Variants in CNTNAP2 observed in about 807,000 individuals in gnomAD.
CNTNAP2 encodes contactin associated protein 2.
CNTNAP2 carries 98 observed loss-of-function variants against 155.2 expected under a neutral mutation model. That is an observed-to-expected ratio of 0.63 (90% CI 0.54 to 0.75). The LOEUF (loss-of-function observed/expected upper bound fraction) is 0.75, where lower values mean the gene tolerates loss of function less well. Among genes scored for constraint, CNTNAP2 ranks in the 30% least tolerant of loss-of-function variants. The pLI is 0.00. For synonymous variants in CNTNAP2, 651 were observed against 631.2 expected (o/e 1.03, Z -0.47); for missense variants, 1,727 against 1,688.1 (o/e 1.02, Z -0.40).
chr7:148,092,800 A>G (rs1213212437), intron 15 of CNTNAP2, among the ~76,000 whole-genome samples: 1 of 151,836 alleles, frequency 6.6e-6, no homozygotes, highest in Non-Finnish European at 1.5e-5. Context: ...AGCCAATTAA[A>G]GAGCTTGTTT....
rs149544164 is a variant in CNTNAP2 at position 147,627,070 on chromosome 7, A to C, written c.1898-12036A>C. On this transcript the variant is annotated intron_variant, in intron 12 of 23. Coordinates refer to ENST00000361727, the MANE Select transcript of CNTNAP2 (RefSeq NM_014141.6). ...TAACCAGACCCAAAAGAGCAATAAC[A>C]ATCTCTGCGTTCCAGCTCTCAGGAA... is the stretch of plus-strand genomic sequence containing the variant. Among the ~76,000 whole-genome samples, 713 of 152,122 alleles carry C rather than the reference A, an allele frequency of 4.7e-3. 3 individuals carry two copies. The highest frequency in any genetic ancestry group is 0.017 in the African/African-American group (685 of 41,494).
chr7:148,413,108 G>A (rs1415775519), intron 23 of CNTNAP2, among the ~76,000 whole-genome samples: 1 of 151,620 alleles, frequency 6.6e-6, no homozygotes, highest in African/African-American at 2.4e-5. Flanking sequence ...AAAGAATATT[G>A]TGGCCAGGCG....
intron 20 of CNTNAP2, among the ~76,000 whole-genome samples, chr7:148,249,569 G>C (rs1014745965): frequency 2.0e-5 from 3 of 152,082 alleles, no homozygotes; most frequent in African/African-American, 7.2e-5. Context: ...CTGACTCCCA[G>C]ATATCTAACT....
At chr7:146,200,315 GA>G (rs1798839822) in intron 1 of CNTNAP2, among the ~76,000 whole-genome samples, 2 of 152,006 alleles carry the variant, frequency 1.3e-5, no homozygotes, top group South Asian at 4.1e-4. Context: ...CCCACATGGT[GA>G]AACCCCATCT....
intron 1 of CNTNAP2, among the ~76,000 whole-genome samples, chr7:146,508,275 C>T (rs1089445): frequency 0.028 from 4,311 of 152,218 alleles, 201 homozygotes; most frequent in African/African-American, 0.098. Flanking sequence ...TATGTCCACC[C>T]GATAATGGCT....
Position 146,707,326 on chromosome 7 carries a change from G to C in CNTNAP2, c.98-66945G>C, listed in dbSNP as rs561784264. On this transcript the variant is annotated intron_variant, in intron 1 of 23. Transcript: ENST00000361727. Reference sequence around the variant, plus strand: ...ATCCTCTTCATTTGTGATGGGCATGGGGCCTCACTCCATTGTCTTCAGTAT... The same window carrying C: ...ATCCTCTTCATTTGTGATGGGCATGCGGCCTCACTCCATTGTCTTCAGTAT... Among the ~76,000 whole-genome samples the C allele has an allele frequency of 2.3e-3, 355 of 152,226 alleles. 2 individuals carry two copies. The highest frequency in any genetic ancestry group is 8.2e-3 in the African/African-American group (340 of 41,532).
rs756612496 is a variant in CNTNAP2 at position 147,120,850 on chromosome 7, A to G, written c.755-129A>G. On this transcript the variant is annotated intron_variant, in intron 5 of 23. Transcript: ENST00000361727. ...AAGTGTCGTTACTTACTGGTATCCC[A>G]GGTTAACTCGAATGGATAGAGCTTT... 11 of 834,416 alleles carry G rather than the reference A, an allele frequency of 1.3e-5. 1 individual carries two copies. The East Asian group carries it at 2.8e-4, about 22-fold the overall frequency. 51.7% of individuals were successfully genotyped at this position (834,416 alleles called of 1,614,324 possible). A position where few individuals can be genotyped will look rare whatever the true frequency, so the allele number is the denominator to read the frequency against.
At chr7:147,477,996 A>G (rs1798351446) in intron 10 of CNTNAP2, among the ~76,000 whole-genome samples, 1 of 152,242 alleles carries the variant, frequency 6.6e-6, no homozygotes, top group Non-Finnish European at 1.5e-5. Context: ...TCAGCTGCAT[A>G]TAACGCAACA....
At chr7:147,981,786 G>GGTATGTGTGT (rs1483366188) in intron 15 of CNTNAP2, among the ~76,000 whole-genome samples, 9 of 143,732 alleles carry the variant, frequency 6.3e-5, no homozygotes, top group African/African-American at 2.1e-4. Flanking sequence ...TGTCCTTACA[G>GGTATGTGTGT]GTGTGTGTGT....
chr7:146,771,993 T>C (rs1802300455), intron 1 of CNTNAP2, among the ~76,000 whole-genome samples: 1 of 152,128 alleles, frequency 6.6e-6, no homozygotes, highest in Non-Finnish European at 1.5e-5. Context: ...CCAGACTCTT[T>C]GAGGTTCATT....
chr7:146,231,039 T>TAAATAAATAAATAAATAAAA (rs1195125681), intron 1 of CNTNAP2, among the ~76,000 whole-genome samples: 13 of 140,124 alleles, frequency 9.3e-5, no homozygotes, highest in African/African-American at 2.9e-4. Context: ...AATAAATAAA[T>TAAATAAATAAATAAATAAAA]AAAAAGTTAA....
intron 3 of CNTNAP2, among the ~76,000 whole-genome samples, chr7:146,931,793 A>G (rs914527108): frequency 1.3e-5 from 2 of 151,508 alleles, no homozygotes; most frequent in Non-Finnish European, 3.0e-5. Context: ...CTACCATCAG[A>G]GAATACTACA....
intron 13 of CNTNAP2, among the ~76,000 whole-genome samples, chr7:147,737,986 C>G (rs981595546): frequency 2.0e-5 from 3 of 152,194 alleles, no homozygotes; most frequent in African/African-American, 7.2e-5. Context: ...GATGCCTTGC[C>G]CTGCTTCGGC....
At chr7:148,248,795 G>T (rs762336000) in intron 20 of CNTNAP2, among the ~76,000 whole-genome samples, 1 of 152,130 alleles carries the variant, frequency 6.6e-6, no homozygotes, top group Non-Finnish European at 1.5e-5. Context: ...TATGGTAAGT[G>T]TATCTTTAAC....
intron 3 of CNTNAP2, among the ~76,000 whole-genome samples, chr7:146,929,807 G>C (rs1796705742): frequency 6.6e-6 from 1 of 152,198 alleles, no homozygotes; most frequent in African/African-American, 2.4e-5. Flanking sequence ...AGCCTCAGGA[G>C]CCAATGCGAT....
At chr7:147,578,069 A>G (rs867823025) in intron 12 of CNTNAP2, among the ~76,000 whole-genome samples, 9 of 152,066 alleles carry the variant, frequency 5.9e-5, no homozygotes, top group South Asian at 4.1e-4. Flanking sequence ...GTATGTAACT[A>G]TGGGTAGGCA....
chr7:146,584,406 C>T (rs1014793411), intron 1 of CNTNAP2, among the ~76,000 whole-genome samples: 1 of 152,130 alleles, frequency 6.6e-6, no homozygotes, highest in Non-Finnish European at 1.5e-5. Context: ...AATGGAAACC[C>T]CACTTAAGTC....
At chr7:147,091,330 G>A (rs372263412) in intron 4 of CNTNAP2, among the ~76,000 whole-genome samples, 30 of 151,990 alleles carry the variant, frequency 2.0e-4, no homozygotes, top group African/African-American at 7.2e-4. Flanking sequence ...GAGAAAGCTG[G>A]CATCACTTTA....
intron 3 of CNTNAP2, among the ~76,000 whole-genome samples, chr7:146,869,662 C>A (rs1375108459): frequency 1.3e-5 from 2 of 152,098 alleles, no homozygotes; most frequent in Non-Finnish European, 2.9e-5. Flanking sequence ...CCCTTGCAAA[C>A]CACTGGTATA....
Sources: gnomAD v4.1 joint callset for allele counts (sites outside exome capture counted in the v4.1 genomes callset) on GRCh38, gnomAD v4.1.1 for gene constraint, MANE v1.5 for transcripts, NCBI Gene and HGNC (gene_info 2026-07-23, HGNC 2026-07-21) for gene names.